The following R3HCC1L variants were observed in gnomAD, a reference collection of about 807,000 sequenced individuals.
The protein encoded by R3HCC1L is R3H domain and coiled-coil containing 1 like.
Under a neutral mutation model 59.9 loss-of-function variants are expected in R3HCC1L, and 51 were observed. The ratio of observed to expected loss-of-function variants is 0.85; its 90% CI spans 0.68 to 1.07. The LOEUF is 1.07. Ranked by LOEUF, R3HCC1L falls within the 50% of genes least tolerant of loss-of-function variation. The pLI, the probability that R3HCC1L is intolerant of heterozygous loss-of-function variation, is 0.00. For missense variants in R3HCC1L, 965 were observed against 933.0 expected (o/e 1.03, Z -0.45); for synonymous variants, 322 against 315.2 (o/e 1.02, Z -0.23).
At position 98,171,613 on chromosome 10, in the gene R3HCC1L, A is replaced by T. The variant is rs184792816; in HGVS notation, c.-15+8216A>T. ...AGAGGGGCCAAGACTAGGAGGAGCC[A>T]GGCCAAGCTGATTTCGGGTATAGTT... On this transcript the variant is annotated intron_variant, in intron 4 of 9. Transcript: ENST00000298999. Among the ~76,000 whole-genome samples the T allele has an allele frequency of 2.0e-3, 312 of 152,296 alleles. 1 individual carries two copies. Among genetic ancestry groups the T allele is most frequent in the Non-Finnish European group, 2.4e-3 (160 of 68,010 alleles).
chr10:98,186,719 G>A (rs72826267), intron 4 of R3HCC1L, among the ~76,000 whole-genome samples: 1,698 of 152,266 alleles, frequency 0.011, 15 homozygotes, highest in Non-Finnish European at 0.017. Context: ...AGATTTCAGT[G>A]CTTAAGGTGG....
chr10:98,200,068 T>C (rs1182838959), intron 4 of R3HCC1L, among the ~76,000 whole-genome samples: 1 of 152,086 alleles, frequency 6.6e-6, no homozygotes. Context: ...CGTCCTTCTT[T>C]AGTTGTTGAG....
intron 9 of R3HCC1L, among the ~76,000 whole-genome samples, chr10:98,240,595 A>G (rs1036576058): frequency 2.0e-5 from 3 of 152,260 alleles, no homozygotes. Flanking sequence ...TAGTTTGATT[A>G]ATTAAATCAC....
At chr10:98,214,671 G>A (rs778467952) in intron 5 of R3HCC1L, among the ~76,000 whole-genome samples, 2 of 152,056 alleles carry the variant, frequency 1.3e-5, no homozygotes, top group African/African-American at 4.8e-5. Context: ...GTTTAATTGT[G>A]TTTAATTAAA....
intron 2 of R3HCC1L, among the ~76,000 whole-genome samples, chr10:98,156,927 CT>C (rs1314287249): frequency 3.3e-5 from 5 of 152,168 alleles, no homozygotes; most frequent in Admixed American, 1.3e-4. Flanking sequence ...CTTCTAGTAA[CT>C]TTCTAGGAAA....
At chr10:98,236,369 A>T (rs530190069) in intron 9 of R3HCC1L, among the ~76,000 whole-genome samples, 6 of 152,304 alleles carry the variant, frequency 3.9e-5, no homozygotes, top group African/African-American at 1.4e-4. Context: ...AGACATTCTA[A>T]TCCACGCTCC....
chr10:98,155,712 A>G (rs1327100937), intron 1 of R3HCC1L, among the ~76,000 whole-genome samples: 2 of 151,864 alleles, frequency 1.3e-5, no homozygotes, highest in African/African-American at 4.8e-5. Flanking sequence ...AAAAGTAACT[A>G]CTTTCAACTC....
At chr10:98,229,065 A>C (rs7901578) in intron 5 of R3HCC1L, among the ~76,000 whole-genome samples, 2 of 151,442 alleles carry the variant, frequency 1.3e-5, no homozygotes, top group African/African-American at 2.4e-5. Context: ...TTGGCAATGC[A>C]GGCTCTTTTT....
At chr10:98,136,562 G>A (rs1445147977) in intron 1 of R3HCC1L, among the ~76,000 whole-genome samples, 6 of 152,118 alleles carry the variant, frequency 3.9e-5, no homozygotes, top group African/African-American at 1.2e-4. Flanking sequence ...GTGTCCAGAC[G>A]CGGTGCCTCA....
At chr10:98,154,484 C>A (rs756538013) in intron 1 of R3HCC1L, among the ~76,000 whole-genome samples, 27 of 152,180 alleles carry the variant, frequency 1.8e-4, no homozygotes, top group Non-Finnish European at 4.0e-4. Flanking sequence ...GAATTTTTTA[C>A]TTGTGGCATC....
intron 1 of R3HCC1L, among the ~76,000 whole-genome samples, chr10:98,147,295 T>C (rs1192357947): frequency 6.6e-6 from 1 of 152,202 alleles, no homozygotes; most frequent in Non-Finnish European, 1.5e-5. Context: ...TTTGAACTCC[T>C]TGTATATTCT....
chr10:98,155,965 T>G (rs1013299878), intron 1 of R3HCC1L, 128 bp from the exon 2 acceptor site: 1 of 152,302 alleles, frequency 6.6e-6, no homozygotes, highest in Admixed American at 6.5e-5. Context: ...TTACTATGCC[T>G]GTGCAAATTT....
intron 4 of R3HCC1L, among the ~76,000 whole-genome samples, chr10:98,180,755 T>C (rs1849545188): frequency 6.6e-6 from 1 of 152,194 alleles, no homozygotes; most frequent in Admixed American, 6.5e-5. Flanking sequence ...TTCATAGATA[T>C]TTAGGATAGT....
chr10:98,160,200 A>T (rs1245250374), intron 2 of R3HCC1L, among the ~76,000 whole-genome samples: 1 of 152,236 alleles, frequency 6.6e-6, no homozygotes, highest in Non-Finnish European at 1.5e-5. Context: ...GATACCTCGT[A>T]AGTAGAATTC....
chr10:98,222,403 C>A (rs1223831769), intron 5 of R3HCC1L, among the ~76,000 whole-genome samples: 1 of 151,998 alleles, frequency 6.6e-6, no homozygotes, highest in Non-Finnish European at 1.5e-5. Flanking sequence ...CTGGCCAGAA[C>A]TTCCAACACT....
At chr10:98,143,083 T>G (rs1270756284) in intron 1 of R3HCC1L, among the ~76,000 whole-genome samples, 1 of 152,244 alleles carries the variant, frequency 6.6e-6, no homozygotes, top group African/African-American at 2.4e-5. Context: ...ATTTCTGATT[T>G]CTGAATCTTG....
chr10:98,233,706 G>A (rs1856626180), intron 6 of R3HCC1L, among the ~76,000 whole-genome samples: 1 of 152,152 alleles, frequency 6.6e-6, no homozygotes, highest in Non-Finnish European at 1.5e-5. Flanking sequence ...TCACTAGGTA[G>A]TTGTTCTCCA....
At position 98,134,976 on chromosome 10, in the gene R3HCC1L, C is replaced by T. The variant is rs570376787; in HGVS notation, c.-268+270C>T. On this transcript the variant is annotated intron_variant, in intron 1 of 9. Coordinates refer to ENST00000298999, the MANE Select transcript of R3HCC1L (RefSeq NM_001351015.2). Reference sequence around the variant, plus strand: ...GGCTCGTGCTCGCTTTGGGCGCTCGCCCCAAATGATCCTGGCGGAAAGGAC... The same window carrying T: ...GGCTCGTGCTCGCTTTGGGCGCTCGTCCCAAATGATCCTGGCGGAAAGGAC... 6.6e-5 allele frequency among the ~76,000 whole-genome samples: 10 copies of T among 152,270 alleles called. No homozygotes were observed. In the East Asian group the frequency reaches 1.7e-3, roughly 27 times the overall value.
chr10:98,137,372 G>A (rs1328937676), intron 1 of R3HCC1L, among the ~76,000 whole-genome samples: 1 of 152,196 alleles, frequency 6.6e-6, no homozygotes, highest in Non-Finnish European at 1.5e-5. Flanking sequence ...TGTCTACAAA[G>A]ATGAAATGAG....
Sources: gnomAD v4.1 joint callset for allele counts (sites outside exome capture counted in the v4.1 genomes callset) on GRCh38, gnomAD v4.1.1 for gene constraint, MANE v1.5 for transcripts, NCBI Gene and HGNC (gene_info 2026-07-23, HGNC 2026-07-21) for gene names.